The following ZMYND8 variants were observed in gnomAD, a reference collection of about 807,000 sequenced individuals.
ZMYND8 encodes the protein MYND-type zinc finger-containing chromatin reader ZMYND8.
In ZMYND8, 37 loss-of-function variants were observed where a neutral mutation model predicts 140.8. That is an observed-to-expected ratio of 0.26 (90% CI 0.20 to 0.35). The LOEUF is 0.35. ZMYND8 is among the 10% of genes least tolerant of loss of function. ZMYND8 has a pLI of 1.00. For synonymous variants in ZMYND8, 592 were observed against 597.1 expected (o/e 0.99, Z 0.12); for missense variants, 1,068 against 1,570.0 (o/e 0.68, Z 5.40).
At chr20:47,252,198 G>A (rs1312036606) in intron 12 of ZMYND8, among the ~76,000 whole-genome samples, 3 of 149,454 alleles carry the variant, frequency 2.0e-5, no homozygotes, top group African/African-American at 7.4e-5. Flanking sequence ...GGAGGCTGAG[G>A]CAGGAGAACA....
rs570307503 is a variant in ZMYND8, at chr20:47,232,382, A to G, written c.2857-2576T>C. 4.6e-5 allele frequency among the ~76,000 whole-genome samples: 7 copies of G among 151,908 alleles called. No homozygotes were observed. The East Asian group carries it at 1.2e-3, about 25-fold the overall frequency. On this transcript the variant is annotated intron_variant, in intron 16 of 22. Coordinates refer to ENST00000471951, the MANE Select transcript of ZMYND8 (RefSeq NM_001281775.3). ...ACCTTGTCTCAAAAATAAATAAATA[A>G]ATAAATAAATAAATAAAGTTTTGCC...
At chr20:47,231,185 T>C (rs1427935273) in intron 16 of ZMYND8, among the ~76,000 whole-genome samples, 2 of 152,172 alleles carry the variant, frequency 1.3e-5, no homozygotes, top group African/African-American at 4.8e-5. Context: ...GTTAATAGGA[T>C]GAATTTCTCT....
intron 2 of ZMYND8, among the ~76,000 whole-genome samples, chr20:47,316,029 G>A (rs1479699446): frequency 6.6e-6 from 1 of 152,154 alleles, no homozygotes; most frequent in Non-Finnish European, 1.5e-5. Flanking sequence ...AAGGTCTACT[G>A]GGTATTAAGA....
rs1434711339 is a variant in ZMYND8 at position 47,210,590 on chromosome 20, G to A, written c.*171C>T. On this transcript the variant is annotated 3_prime_UTR_variant, in exon 23 of 23. Transcript: ENST00000471951. Reference sequence around the variant, plus strand: ...TGAACAGTCTGCAGTCAAAGCCGATGCTGGGTGTCCTGTAGTGTAGCAGCC... The same window carrying A: ...TGAACAGTCTGCAGTCAAAGCCGATACTGGGTGTCCTGTAGTGTAGCAGCC... 9 of 922,144 alleles carry A rather than the reference G, an allele frequency of 9.8e-6. No homozygotes were observed. Among genetic ancestry groups the A allele is most frequent in the Non-Finnish European group, 1.4e-5 (8 of 591,548 alleles). 57.1% of individuals were successfully genotyped at this position (922,144 alleles called of 1,614,324 possible). A position where few individuals can be genotyped will look rare whatever the true frequency, so the allele number is the denominator to read the frequency against.
At chr20:47,284,877 A>G (rs2076824749) in intron 8 of ZMYND8, among the ~76,000 whole-genome samples, 1 of 152,032 alleles carries the variant, frequency 6.6e-6, no homozygotes, top group Admixed American at 6.5e-5. Flanking sequence ...CTCTTCTCAG[A>G]GCCCCCATAT....
intron 16 of ZMYND8, among the ~76,000 whole-genome samples, chr20:47,230,744 C>T (rs1394329735): frequency 6.6e-6 from 1 of 152,096 alleles, no homozygotes; most frequent in Non-Finnish European, 1.5e-5. Flanking sequence ...GCTTTTAGTA[C>T]CTCAGAGTTG....
At chr20:47,316,586 A>G (rs2079416135) in intron 2 of ZMYND8, among the ~76,000 whole-genome samples, 1 of 151,982 alleles carries the variant, frequency 6.6e-6, no homozygotes, top group Non-Finnish European at 1.5e-5. Context: ...TGAGGTCAGG[A>G]GTTCAAAACC....
chr20:47,298,123 CTTTTCT>C lies in ZMYND8; in HGVS notation c.453+600_453+605del, dbSNP rs2077762794. The C allele has an allele frequency of 2.7e-6, 1 of 372,336 alleles. No individual in the cohort carries two copies. The highest frequency in any genetic ancestry group is 3.7e-6 in the Non-Finnish European group (1 of 269,876). The allele number at this position is 372,336 out of a possible 1,614,324, so 23.1% of individuals were successfully genotyped here. ...TCCTGAATTTGTTTTCTTCACAGCA[CTTTTCT>C]TTTAATTCATTATATGGAACTTTAT... On this transcript the variant is annotated intron_variant, in intron 4 of 22. Coordinates refer to ENST00000471951, the MANE Select transcript of ZMYND8 (RefSeq NM_001281775.3). The surrounding 1 kb of genome is among the most constrained non-coding windows in gnomAD (Gnocchi z 5.0).
chr20:47,305,375 G>A (rs1165904899), intron 3 of ZMYND8, among the ~76,000 whole-genome samples: 1 of 151,898 alleles, frequency 6.6e-6, no homozygotes, highest in Non-Finnish European at 1.5e-5. Flanking sequence ...CGAGCAGCTG[G>A]GATTACAGGT....
intron 12 of ZMYND8, among the ~76,000 whole-genome samples, chr20:47,255,720 GTGTATATATATATATATATATATATA>G (rs1308922632): frequency 0.018 from 485 of 27,242 alleles, 18 homozygotes; most frequent in African/African-American, 0.051. Context: ...CCGTGTATGT[GTGTATATATATATATATATATATATA>G]TATATATATA....
chr20:47,274,682 T>A (rs2076152198), intron 11 of ZMYND8, among the ~76,000 whole-genome samples: 1 of 152,204 alleles, frequency 6.6e-6, no homozygotes, highest in African/African-American at 2.4e-5. Context: ...CATGAGTGTC[T>A]AGGACCACAC....
intron 21 of ZMYND8, among the ~76,000 whole-genome samples, chr20:47,214,429 C>T (rs1413265055): frequency 6.6e-6 from 1 of 152,152 alleles, no homozygotes; most frequent in Non-Finnish European, 1.5e-5. Flanking sequence ...TGACCATGGG[C>T]TCCATGGCGC....
chr20:47,285,163 G>A (rs763801223), intron 8 of ZMYND8, among the ~76,000 whole-genome samples: 3 of 152,180 alleles, frequency 2.0e-5, no homozygotes, highest in Non-Finnish European at 2.9e-5. Context: ...GCATGGTCAG[G>A]ATTTGAACCC....
intron 2 of ZMYND8, among the ~76,000 whole-genome samples, chr20:47,325,018 C>T (rs1012261966): frequency 6.6e-6 from 1 of 152,190 alleles, no homozygotes; most frequent in African/African-American, 2.4e-5. Context: ...CATTCTCCTG[C>T]CTCAGCCTCT....
intron 11 of ZMYND8, among the ~76,000 whole-genome samples, chr20:47,268,927 G>T (rs1245882207): frequency 1.3e-5 from 2 of 152,138 alleles, no homozygotes; most frequent in Non-Finnish European, 2.9e-5. Context: ...AAGGCCGGAC[G>T]CAGTGGCTCA....
In ZMYND8 at chr20:47,241,920, C is replaced by T. The variant is rs573857372; in HGVS notation, c.2285-2782G>A. ...GCAAGCTCCGCCTCCTGGGTTCACA[C>T]CATTCTCCTGCCTTAGCCTCCCGAG... On this transcript the variant is annotated intron_variant, in intron 14 of 22. Transcript: ENST00000471951. Among the ~76,000 whole-genome samples, 44 of 151,726 alleles carry T rather than the reference C, an allele frequency of 2.9e-4. No individual in the cohort carries two copies. The South Asian group carries it at 8.8e-3, about 30-fold the overall frequency.
At chr20:47,267,496 CGG>C (rs57088437) in intron 11 of ZMYND8, among the ~76,000 whole-genome samples, 7 of 86,602 alleles carry the variant, frequency 8.1e-5, no homozygotes, top group South Asian at 3.1e-4. Context: ...AGGGCCGGGG[CGG>C]GGGGGGGGCA....
rs1485243431 is a variant in ZMYND8, at chr20:47,209,496, TCTC to T, written c.*1262_*1264del. On this transcript the variant is annotated 3_prime_UTR_variant, in exon 23 of 23. Transcript: ENST00000471951. ...AACTGCAATTCACAAATGTTCTTTC[TCTC>T]CTGTTTTCTTCTAATACTCTCTTAT... 10 of 151,912 alleles carry T rather than the reference TCTC, an allele frequency of 6.6e-5. No homozygotes were observed. The highest frequency in any genetic ancestry group is 1.0e-4 in the Non-Finnish European group (7 of 67,992). 9.4% of individuals were successfully genotyped at this position (151,912 alleles called of 1,614,324 possible).
intron 6 of ZMYND8, among the ~76,000 whole-genome samples, chr20:47,290,627 T>G (rs1199684478): frequency 6.8e-6 from 1 of 148,066 alleles, no homozygotes; most frequent in Non-Finnish European, 1.5e-5. Context: ...GTTTTGCTCT[T>G]ATTGCCCAGG....
Sources: allele counts gnomAD v4.1 joint callset (sites outside exome capture counted in the v4.1 genomes callset), GRCh38; gene constraint gnomAD v4.1.1; non-coding constraint Gnocchi (gnomAD v3.1); transcripts MANE v1.5; gene names NCBI Gene and HGNC (gene_info 2026-07-23, HGNC 2026-07-21).